MIA2: variants seen among roughly 807,000 people sequenced by gnomAD.
The protein encoded by MIA2 is MIA SH3 domain ER export factor 2, also known as melanoma inhibitory activity protein 2.
A neutral mutation model predicts 167.8 loss-of-function variants in MIA2; 127 were observed. The ratio of observed to expected loss-of-function variants is 0.76; its 90% CI spans 0.66 to 0.88. The LOEUF (loss-of-function observed/expected upper bound fraction) is 0.88. MIA2 is among the 40% of genes least tolerant of loss of function. The pLI is 0.00. For missense variants in MIA2, 1,690 were observed against 1,624.7 expected (o/e 1.04, Z -0.69); for synonymous variants, 552 against 541.9 (o/e 1.02, Z -0.26).
intron 12 of MIA2, 86 bp from the exon 13 acceptor site, chr14:39,294,839 T>A (rs138075700): frequency 3.1e-4 from 274 of 895,068 alleles, no homozygotes; most frequent in Non-Finnish European, 4.8e-4. Context: ...TGCCTTTGTT[T>A]AATTCTGTGT....
At chr14:39,292,765 A>G (rs886967776) in intron 10 of MIA2, 1 of 192,064 alleles carries the variant, frequency 5.2e-6, no homozygotes, top group African/African-American at 2.4e-5. Flanking sequence ...AATCATTTTA[A>G]ATTAAAAAGG....
intron 3 of MIA2, among the ~76,000 whole-genome samples, chr14:39,242,057 G>C (rs1257227117): frequency 6.6e-6 from 1 of 152,130 alleles, no homozygotes; most frequent in Non-Finnish European, 1.5e-5. Flanking sequence ...GTGCCTCCTA[G>C]GAAACTTTTG....
chr14:39,354,339 G>C (rs1234511179), downstream of MIA2, among the ~76,000 whole-genome samples: 1 of 152,144 alleles, frequency 6.6e-6, no homozygotes, highest in African/African-American at 2.4e-5. Context: ...TTTTTCATGT[G>C]TCTGTAGGCT....
At position 39,388,117 on chromosome 14, in the gene MIA2, T is replaced by C. The variant is rs1285208811; in HGVS notation, c.*1165T>C. 4 of 152,156 alleles carry C rather than the reference T, an allele frequency of 2.6e-5. No homozygotes were observed. Among genetic ancestry groups the C allele is most frequent in the African/African-American group, 7.2e-5 (3 of 41,420 alleles). 9.4% of individuals were successfully genotyped at this position (152,156 alleles called of 1,614,324 possible). On this transcript the variant is annotated 3_prime_UTR_variant, in exon 24 of 24. Transcript: ENST00000341502. The surrounding 1 kb of genome is among the most constrained non-coding windows in gnomAD (Gnocchi z 4.1). ...GTAGGGCTGTACCATAATGCCGAGT[T>C]CCCCCATCTGCTAATCATTTATTGC... is the stretch of plus-strand genomic sequence containing the variant.
intron 6 of MIA2, among the ~76,000 whole-genome samples, chr14:39,254,484 C>T (rs1313038329): frequency 2.0e-5 from 3 of 152,106 alleles, no homozygotes; most frequent in African/African-American, 7.2e-5. Context: ...GCAGGGAGTC[C>T]AGTCAAGAAG....
At chr14:39,338,828 G>A (rs75735154) in intron 25 of MIA2, among the ~76,000 whole-genome samples, 7,226 of 152,194 alleles carry the variant, frequency 0.047, 296 homozygotes, top group Non-Finnish European at 0.067. Flanking sequence ...CTTTTGCCAG[G>A]GTTAACTGTA....
At position 39,277,694 on chromosome 14, in the gene MIA2, ATATATATATATATATATATATGTGTG is replaced by A. The variant is rs1450547567; in HGVS notation, c.2019+651_2019+676del. ...CTTTTATATATATATATATGTGTGT[ATATATATATATATATATATATGTGTG>A]TATATATATATATATATATATATGT... On this transcript the variant is annotated intron_variant, in intron 7 of 28. Transcript: ENST00000640607. Among the ~76,000 whole-genome samples, 8 of 7,748 alleles carry A rather than the reference ATATATATATATATATATATATGTGTG, an allele frequency of 1.0e-3. 2 individuals carry two copies. Among genetic ancestry groups the A allele is most frequent in the African/African-American group, 3.0e-3 (8 of 2,640 alleles). The allele number at this position is 7,748 out of a possible 152,430, so 5.1% of individuals were successfully genotyped here.
chr14:39,247,919 G>C lies in MIA2; in HGVS notation c.1345G>C (p.Asp449His). ...CAAGAAACCAGTCTCAGAAAAAACA[G>C]ACGAATCTGATACTATACCATATTT... ...IDKKPVSEKT[D>H]ESDTIPYLKK... The change falls in exon 4 of 29, where the codon GAC becomes CAC. Residue 449 changes from aspartate (D) to histidine (H), a missense_variant. Asp to His is a moderately conservative substitution (Grantham distance 81). Transcript: ENST00000640607. 4 of 1,595,626 alleles carry C rather than the reference G, an allele frequency of 2.5e-6. No individual in the cohort carries two copies. Among genetic ancestry groups the C allele is most frequent in the Non-Finnish European group, 3.4e-6 (4 of 1,175,764 alleles).
chr14:39,302,543 T>G (rs2062693451), intron 15 of MIA2, among the ~76,000 whole-genome samples: 1 of 152,206 alleles, frequency 6.6e-6, no homozygotes, highest in South Asian at 2.1e-4. Flanking sequence ...CATAATCATT[T>G]CAATGCCTGT....
chr14:39,371,905 A>G (rs2074954347), intron 23 of MIA2, among the ~76,000 whole-genome samples: 1 of 151,928 alleles, frequency 6.6e-6, no homozygotes, highest in Non-Finnish European at 1.5e-5. Context: ...AACATCTCTA[A>G]GCTTACATGG....
chr14:39,287,043 G>A, intron 9 of MIA2, among the ~76,000 whole-genome samples: 1 of 150,596 alleles, frequency 6.6e-6, no homozygotes. Flanking sequence ...TCTTTTTCTT[G>A]TCTAATTGCT....
Position 39,282,633 on chromosome 14 carries a change from G to T in MIA2, c.2130+3096G>T, listed in dbSNP as rs935383247. ...CTGTCACACAGGCTGGGGTGCAGTG[G>T]CATGATCTTGGCTCATTGCAGCCTC... is the stretch of plus-strand genomic sequence containing the variant. On this transcript the variant is annotated intron_variant, in intron 9 of 28. Coordinates refer to ENST00000640607, the MANE Select transcript of MIA2 (RefSeq NM_001329214.4). Among the ~76,000 whole-genome samples the T allele has an allele frequency of 2.6e-5, 4 of 152,128 alleles. No individual in the cohort carries two copies. The South Asian group carries it at 6.2e-4, about 24-fold the overall frequency.
At chr14:39,320,369 A>G (rs998315256) in intron 23 of MIA2, among the ~76,000 whole-genome samples, 56 of 152,158 alleles carry the variant, frequency 3.7e-4, no homozygotes, top group African/African-American at 1.3e-3. Flanking sequence ...TTAGTTGATA[A>G]ATTAGTATTT....
In MIA2 at chr14:39,366,081, A is replaced by C. The variant is rs372027256; in HGVS notation, c.2248+17104A>C. 1.8e-4 allele frequency among the ~76,000 whole-genome samples: 28 copies of C among 152,262 alleles called. No individual in the cohort carries two copies. The East Asian group carries it at 4.6e-3, about 25-fold the overall frequency. ...TAGTGTAGTCTCTATGCAGTTTCTT[A>C]GACTTTAAGCAGCTTCAGTGGTGTT... On this transcript the variant is annotated intron_variant, in intron 23 of 23. Coordinates refer to the MIA2 transcript ENST00000341502.
chr14:39,249,556 A>C (rs1217408678), intron 4 of MIA2, among the ~76,000 whole-genome samples: 3 of 152,106 alleles, frequency 2.0e-5, no homozygotes, highest in African/African-American at 7.2e-5. Context: ...AAAGGGAAAA[A>C]GTTTTCAACT....
intron 23 of MIA2, among the ~76,000 whole-genome samples, chr14:39,320,647 C>A (rs2152968125): frequency 6.6e-6 from 1 of 152,212 alleles, no homozygotes; most frequent in Middle Eastern, 3.4e-3. Context: ...CTCCAATATC[C>A]TTTGCTTAAT....
chr14:39,381,275 T>C (rs957377276), intron 23 of MIA2, among the ~76,000 whole-genome samples: 2 of 152,192 alleles, frequency 1.3e-5, no homozygotes, highest in African/African-American at 4.8e-5. Context: ...TTCAGTCTAC[T>C]GAGAAGAAAT....
At chr14:39,364,691 A>T (rs559594489) in intron 23 of MIA2, among the ~76,000 whole-genome samples, 1 of 151,428 alleles carries the variant, frequency 6.6e-6, no homozygotes, top group East Asian at 1.9e-4. Flanking sequence ...TTTGCTGGGT[A>T]TAGTATTCTT....
At chr14:39,298,477 A>G (rs1198624040) in intron 13 of MIA2, among the ~76,000 whole-genome samples, 2 of 117,328 alleles carry the variant, frequency 1.7e-5, no homozygotes, top group Non-Finnish European at 3.6e-5. Flanking sequence ...GAATACGCTA[A>G]TGAAGCCTTA....
Sources: gnomAD v4.1 joint callset for allele counts (sites outside exome capture counted in the v4.1 genomes callset) on GRCh38, gnomAD v4.1.1 for gene constraint, Gnocchi (gnomAD v3.1) non-coding constraint, MANE v1.5 for transcripts, NCBI Gene and HGNC (gene_info 2026-07-23, HGNC 2026-07-21) for gene names.